ABHD6: variants seen among roughly 807,000 people sequenced by gnomAD.
ABHD6 encodes abhydrolase domain containing 6, acylglycerol lipase, also known as monoacylglycerol lipase ABHD6.
ABHD6 carries 33 observed loss-of-function variants against 38.8 expected under a neutral mutation model. The observed-to-expected ratio is 0.85, with a 90% confidence interval of 0.64 to 1.14. ABHD6 has a LOEUF of 1.14. Ranked by LOEUF, ABHD6 falls within the 50% of genes most tolerant of loss-of-function variation. The pLI is 0.00. For synonymous variants in ABHD6, 147 were observed against 161.6 expected, an observed-to-expected ratio of 0.91 and a Z score of 0.69; for missense variants, 380 against 422.6, an observed-to-expected ratio of 0.90 and a Z score of 0.88.
At chr3:58,258,488 AC>A (rs1166007487) in intron 3 of ABHD6, 2 of 334,410 alleles carry the variant, frequency 6.0e-6, no homozygotes, top group African/African-American at 4.4e-5. Context: ...AAAGAAAGTG[AC>A]TTTCTCATGA....
chr3:58,286,266 G>C (rs2097456925), intron 9 of ABHD6, among the ~76,000 whole-genome samples: 1 of 151,980 alleles, frequency 6.6e-6, no homozygotes, highest in Admixed American at 6.6e-5. Context: ...TGATCTGCCG[G>C]CCTCAGCCTC....
rs761955494 is a variant in ABHD6, at chr3:58,285,110, G to A, written c.707G>A (p.Arg236His). ...ATCCTGCAAGGCCTTGTCGATGTCC[G>A]CATCCCTCATAACAACTTCTACCGA... is the stretch of plus-strand genomic sequence containing the variant. ...QQILQGLVDV[R>H]IPHNNFYRKL... The change falls in exon 8 of 10, where the codon CGC becomes CAC. Residue 236 changes from arginine to histidine, a missense_variant. Coordinates refer to ENST00000478253, the MANE Select transcript of ABHD6 (RefSeq NM_001320126.2). This position sits in a 1 kb window ranked among gnomAD's most constrained non-coding sequence, Gnocchi z 4.9. 13 of 1,614,012 alleles carry A rather than the reference G, an allele frequency of 8.1e-6. No homozygotes were observed. The East Asian group carries it at 8.9e-5, about 11-fold the overall frequency.
chr3:58,288,016 T>G (rs4681673), intron 9 of ABHD6, among the ~76,000 whole-genome samples: 80 of 152,180 alleles, frequency 5.3e-4, no homozygotes, highest in African/African-American at 1.8e-3. Flanking sequence ...ATGGTCCAAA[T>G]TTTTTTCCCA....
At position 58,287,222 on chromosome 3, in the gene ABHD6, G is replaced by A. The variant is rs1462524523; in HGVS notation, c.837+1769G>A. On this transcript the variant is annotated intron_variant, in intron 9 of 9. Transcript: ENST00000478253. The surrounding 1 kb of genome is among the most constrained non-coding windows in gnomAD (Gnocchi z 4.7). ...TCACTTGAGTCCAGGACATGGAGGT[G>A]GCAGTGAGCCGTGATTGCTTCACTG... 6.6e-6 allele frequency among the ~76,000 whole-genome samples: 1 copy of A among 152,040 alleles called. No homozygotes were observed. Among genetic ancestry groups the A allele is most frequent in the Non-Finnish European group, 1.5e-5 (1 of 68,018 alleles).
At position 58,266,269 on chromosome 3, in the gene ABHD6, C is replaced by T. The variant is rs9852296; in HGVS notation, c.120-920C>T. Among the ~76,000 whole-genome samples the T allele has an allele frequency of 0.15, 23,355 of 151,918 alleles. 2,766 individuals are homozygous for T. Among genetic ancestry groups the T allele is most frequent in the African/African-American group, 0.33 (13,721 of 41,394 alleles). On this transcript the variant is annotated intron_variant, in intron 3 of 9. Transcript: ENST00000478253. The surrounding 1 kb of genome is among the most constrained non-coding windows in gnomAD (Gnocchi z 4.0). ...TTTGAGACTGGCCTGGCCAACATGG[C>T]GAAACCCTGTCTCTACTAAAAATAC...
chr3:58,290,035 G>A (rs1366296721), intron 9 of ABHD6, among the ~76,000 whole-genome samples: 4 of 129,240 alleles, frequency 3.1e-5, no homozygotes, highest in Admixed American at 7.5e-5. Context: ...CTGGCCGGGC[G>A]GGGGGCTGAC....
chr3:58,293,102 C>T lies in ABHD6; in HGVS notation c.838-487C>T, dbSNP rs2097464421. On this transcript the variant is annotated intron_variant, in intron 9 of 9. Coordinates refer to ENST00000478253, the MANE Select transcript of ABHD6 (RefSeq NM_001320126.2). The surrounding 1 kb of genome is among the most constrained non-coding windows in gnomAD (Gnocchi z 4.4). The stretch of plus-strand genomic sequence containing the variant: ...CGCCCTCCTCTCTGCCCCTTCTCCC[C>T]ACCATGCCACCCCCACTGCCCATGT... 6.6e-6 allele frequency among the ~76,000 whole-genome samples: 1 copy of T among 152,122 alleles called. No individual in the cohort carries two copies. Among genetic ancestry groups the T allele is most frequent in the Non-Finnish European group, 1.5e-5 (1 of 68,020 alleles).
In ABHD6 at chr3:58,251,636, C is replaced by T. The variant is rs2097430027; in HGVS notation, c.-26+1694C>T. On this transcript the variant is annotated intron_variant, in intron 2 of 9. Transcript: ENST00000478253. This position sits in a 1 kb window ranked among gnomAD's most constrained non-coding sequence, Gnocchi z 5.4. Reference sequence around the variant, plus strand: ...ATTCAGACATAAGGGCCCCCAAATGCACAGCTTGGGTGTTGAGCAGTGGCA... The same window carrying T: ...ATTCAGACATAAGGGCCCCCAAATGTACAGCTTGGGTGTTGAGCAGTGGCA... 1.3e-5 allele frequency among the ~76,000 whole-genome samples: 2 copies of T among 152,172 alleles called. 1 individual carries two copies. The highest frequency in any genetic ancestry group is 4.1e-4 in the South Asian group (2 of 4,832).
At chr3:58,250,945 A>T (rs1200744284) in intron 2 of ABHD6, among the ~76,000 whole-genome samples, 1 of 152,220 alleles carries the variant, frequency 6.6e-6, no homozygotes, top group Non-Finnish European at 1.5e-5. Context: ...ACCTTTGCCT[A>T]ACAGGAGTGG....
At chr3:58,250,694 A>G (rs899020010) in intron 2 of ABHD6, among the ~76,000 whole-genome samples, 1 of 152,088 alleles carries the variant, frequency 6.6e-6, no homozygotes, top group Non-Finnish European at 1.5e-5. Context: ...GTTGAACCCA[A>G]CTGGGATTGG....
At position 58,266,986 on chromosome 3, in the gene ABHD6, T is replaced by C. The variant is rs940473190; in HGVS notation, c.120-203T>C. On this transcript the variant is annotated intron_variant, in intron 3 of 9. Transcript: ENST00000478253. This position sits in a 1 kb window ranked among gnomAD's most constrained non-coding sequence, Gnocchi z 4.0. Reference sequence around the variant, plus strand: ...AAAATATATACCAAAATAGTTCATTTAAGGTGTTCTCTGGAATGGTTTGGC... The same window carrying C: ...AAAATATATACCAAAATAGTTCATTCAAGGTGTTCTCTGGAATGGTTTGGC... 2.6e-5 allele frequency among the ~76,000 whole-genome samples: 4 copies of C among 152,220 alleles called. No individual in the cohort carries two copies. The highest frequency in any genetic ancestry group is 4.4e-5 in the Non-Finnish European group (3 of 68,040).
chr3:58,258,951 G>A (rs957507335), intron 3 of ABHD6, among the ~76,000 whole-genome samples: 4 of 152,202 alleles, frequency 2.6e-5, no homozygotes, highest in Non-Finnish European at 5.9e-5. Flanking sequence ...TTGCAGTGCT[G>A]GTAGCAGGAG....
rs970579744 is a variant in ABHD6 at position 58,273,894 on chromosome 3, GA to G, written c.524-755del. ...TATCCCAGAACTTAAAGTAAAAAAA[GA>G]AAAAAAAATCTAATTATTTGGCTAA... is the stretch of plus-strand genomic sequence containing the variant. On this transcript the variant is annotated intron_variant, in intron 6 of 9. Transcript: ENST00000478253. The surrounding 1 kb of genome is among the most constrained non-coding windows in gnomAD (Gnocchi z 4.8). Among the ~76,000 whole-genome samples the G allele has an allele frequency of 2.6e-5, 4 of 151,068 alleles. No individual in the cohort carries two copies. Among genetic ancestry groups the G allele is most frequent in the Non-Finnish European group, 5.9e-5 (4 of 67,702 alleles).
intron 7 of ABHD6, among the ~76,000 whole-genome samples, chr3:58,276,474 T>A (rs1045471553): frequency 6.6e-6 from 1 of 152,164 alleles, no homozygotes; most frequent in Admixed American, 6.6e-5. Context: ...TTTTTTTTTC[T>A]GATAAATTTG....
chr3:58,271,764 CTGTT>C (rs2097445076), intron 6 of ABHD6, among the ~76,000 whole-genome samples: 1 of 78,150 alleles, frequency 1.3e-5, no homozygotes, highest in Non-Finnish European at 2.5e-5. Flanking sequence ...CCCCCTCTCT[CTGTT>C]TTTTTTTTTT....
At chr3:58,243,005 A>G (rs2097423901) in intron 1 of ABHD6, among the ~76,000 whole-genome samples, 1 of 152,084 alleles carries the variant, frequency 6.6e-6, no homozygotes, top group Non-Finnish European at 1.5e-5. Flanking sequence ...GTTTGCTCAG[A>G]ATGATGGTTT....
Position 58,286,850 on chromosome 3 carries a change from GTGTA to G in ABHD6, c.837+1399_837+1402del, listed in dbSNP as rs1340209757. ...TGTGTGTGTGTGTGTGTGTGTGTGT[GTGTA>G]TATATATATATATATGTATATGTAT... On this transcript the variant is annotated intron_variant, in intron 9 of 9. Coordinates refer to ENST00000478253, the MANE Select transcript of ABHD6 (RefSeq NM_001320126.2). Among the ~76,000 whole-genome samples, 18 of 72,828 alleles carry G rather than the reference GTGTA, an allele frequency of 2.5e-4. 1 individual carries two copies. The highest frequency in any genetic ancestry group is 4.2e-4 in the Non-Finnish European group (16 of 37,734). 47.8% of individuals were successfully genotyped at this position (72,828 alleles called of 152,430 possible).
At position 58,263,818 on chromosome 3, in the gene ABHD6, T is replaced by C. The variant is rs1362806849; in HGVS notation, c.120-3371T>C. ...TAACCCATTCGAGCCCCACTCCCAGTACCAAAAATAAAAAATAATAAATAA... is the reference window on the plus strand; with the variant it reads ...TAACCCATTCGAGCCCCACTCCCAGCACCAAAAATAAAAAATAATAAATAA... On this transcript the variant is annotated intron_variant, in intron 3 of 9. Transcript: ENST00000478253. The surrounding 1 kb of genome is among the most constrained non-coding windows in gnomAD (Gnocchi z 4.9). Among the ~76,000 whole-genome samples, 1 of 152,150 alleles carries C rather than the reference T, an allele frequency of 6.6e-6. No homozygotes were observed. Among genetic ancestry groups the C allele is most frequent in the Non-Finnish European group, 1.5e-5 (1 of 68,028 alleles).
At chr3:58,286,846 G>GTATATATATATA (rs57921434) in intron 9 of ABHD6, among the ~76,000 whole-genome samples, 29 of 90,220 alleles carry the variant, frequency 3.2e-4, no homozygotes, top group Admixed American at 1.5e-3. Context: ...GTGTGTGTGT[G>GTATATATATATA]TGTGTGTATA....
Sources: allele counts gnomAD v4.1 joint callset (sites outside exome capture counted in the v4.1 genomes callset), GRCh38; gene constraint gnomAD v4.1.1; non-coding constraint Gnocchi (gnomAD v3.1); transcripts MANE v1.5; gene names NCBI Gene and HGNC (gene_info 2026-07-23, HGNC 2026-07-21).